MAP4K5: variants seen among roughly 807,000 people sequenced by gnomAD.
MAP4K5 encodes mitogen-activated protein kinase kinase kinase kinase 5.
In MAP4K5, 82 loss-of-function variants were observed where a neutral mutation model predicts 135.6. That is an observed-to-expected ratio of 0.60 (90% CI 0.51 to 0.73). The LOEUF (loss-of-function observed/expected upper bound fraction) is 0.73, where lower values mean the gene tolerates loss of function less well. Ranked by LOEUF, MAP4K5 falls within the 30% of genes least tolerant of loss-of-function variation. MAP4K5 has a pLI of 0.00. For missense variants in MAP4K5, 907 were observed against 1,010.9 expected, an observed-to-expected ratio of 0.90 and a Z score of 1.39; for synonymous variants, 347 against 335.0, an observed-to-expected ratio of 1.04 and a Z score of -0.39.
At chr14:50,447,087 C>G (rs552612755) in intron 16 of MAP4K5, among the ~76,000 whole-genome samples, 1 of 152,242 alleles carries the variant, frequency 6.6e-6, no homozygotes, top group South Asian at 2.1e-4. Context: ...GAAGGCCAGC[C>G]CCCTCACTTA....
chr14:50,552,070 C>G (rs2038709375), intron 1 of MAP4K5, among the ~76,000 whole-genome samples: 1 of 152,184 alleles, frequency 6.6e-6, no homozygotes. Flanking sequence ...GGAAGTCAAA[C>G]TGTTGCTGTT....
intron 3 of MAP4K5, among the ~76,000 whole-genome samples, chr14:50,491,755 G>C (rs2037489149): frequency 6.8e-6 from 1 of 147,392 alleles, no homozygotes; most frequent in South Asian, 2.2e-4. Context: ...GCACGATCTT[G>C]GCTCACTGCA....
At chr14:50,496,680 T>A (rs944939317) in intron 3 of MAP4K5, among the ~76,000 whole-genome samples, 1 of 151,908 alleles carries the variant, frequency 6.6e-6, no homozygotes, top group Non-Finnish European at 1.5e-5. Flanking sequence ...TGCTAATTTT[T>A]AAAAATTTTT....
chr14:50,486,130 G>A lies in MAP4K5; in HGVS notation c.231C>T (p.Ile77=), dbSNP rs1043506452. The A allele has an allele frequency of 4.3e-6, 6 of 1,404,152 alleles. No individual in the cohort carries two copies. Among genetic ancestry groups the A allele is most frequent in the African/African-American group, 2.9e-5 (2 of 68,998 alleles). The allele number at this position is 1,404,152 out of a possible 1,614,324, so 87.0% of individuals were successfully genotyped here. A position where few individuals can be genotyped will look rare whatever the true frequency, so the allele number is the denominator to read the frequency against. ...FMVKECKHCN[I]VAYFGSYLSR... ...TAAGATAACTCCCAAAGTAGGCAAC[G>A]ATGTTACAATGTTTACATTCTTTAA... The change falls in exon 4 of 33, where the codon ATC becomes ATT. Residue 77 remains isoleucine, a synonymous_variant. Coordinates refer to ENST00000682126, the MANE Select transcript of MAP4K5 (RefSeq NM_006575.6).
chr14:50,552,630 T>C (rs1326843916), intron 1 of MAP4K5, among the ~76,000 whole-genome samples: 1 of 152,206 alleles, frequency 6.6e-6, no homozygotes, highest in Non-Finnish European at 1.5e-5. Flanking sequence ...GAGGCTATAG[T>C]TACCAAAACA....
intron 3 of MAP4K5, among the ~76,000 whole-genome samples, chr14:50,494,546 A>AT (rs972757487): frequency 9.3e-5 from 14 of 150,830 alleles, no homozygotes; most frequent in African/African-American, 2.2e-4. Context: ...TTCTGGTAAC[A>AT]TTTTTTTTTG....
intron 3 of MAP4K5, among the ~76,000 whole-genome samples, chr14:50,503,727 G>C (rs1459954997): frequency 6.6e-6 from 1 of 152,022 alleles, no homozygotes; most frequent in Non-Finnish European, 1.5e-5. Flanking sequence ...GTTGTAACAA[G>C]CCCACTGCAC....
chr14:50,432,199 T>A (rs1566635772), intron 28 of MAP4K5, among the ~76,000 whole-genome samples: 1 of 152,212 alleles, frequency 6.6e-6, no homozygotes, highest in Non-Finnish European at 1.5e-5. Context: ...GAGTCTTGAA[T>A]AGGAGTTTAT....
intron 28 of MAP4K5, among the ~76,000 whole-genome samples, chr14:50,433,293 G>A (rs916828214): frequency 2.0e-5 from 3 of 152,210 alleles, no homozygotes; most frequent in African/African-American, 7.2e-5. Context: ...AGGTAGAAGG[G>A]TACATAATGT....
Position 50,419,389 on chromosome 14 carries a change from T to G in MAP4K5, c.*630A>C, listed in dbSNP as rs901085080. On this transcript the variant is annotated 3_prime_UTR_variant, in exon 33 of 33. Transcript: ENST00000682126. ...ATAAAATACTTTTGTTAAGCAAAAT[T>G]GCATGTGTGTGTTGAACCCCCAAAC... is the stretch of plus-strand genomic sequence containing the variant. 1 of 152,556 alleles carries G rather than the reference T, an allele frequency of 6.6e-6. No homozygotes were observed. The allele number at this position is 152,556 out of a possible 1,614,324, so 9.5% of individuals were successfully genotyped here. A position where few individuals can be genotyped will look rare whatever the true frequency, so the allele number is the denominator to read the frequency against.
intron 9 of MAP4K5, among the ~76,000 whole-genome samples, chr14:50,471,165 C>T (rs913307580): frequency 3.9e-5 from 6 of 152,118 alleles, no homozygotes; most frequent in African/African-American, 9.7e-5. Flanking sequence ...CTTCCTGATG[C>T]TCTCCCTCCC....
chr14:50,544,086 T>C (rs1402678066), intron 1 of MAP4K5, among the ~76,000 whole-genome samples: 1 of 152,222 alleles, frequency 6.6e-6, no homozygotes, highest in Non-Finnish European at 1.5e-5. Context: ...ATGTCTGGAA[T>C]CCCAGGTATT....
Position 50,476,315 on chromosome 14 carries a change from T to TA in MAP4K5, c.379-10_379-9insT, listed in dbSNP as rs1566666007. On this transcript the variant is annotated splice_polypyrimidine_tract_variant and intron_variant, in intron 6 of 32. Transcript: ENST00000682126. ...TGCAAATAGGCAAGACCCTAAAAGT[T>TA]TAAAAAAAAAAAAAAAGAATGTATC... 1.3e-5 allele frequency: 18 copies of TA among 1,364,578 alleles called. No homozygotes were observed. The highest frequency in any genetic ancestry group is 1.0e-4 in the Admixed American group (3 of 29,992). 84.5% of individuals were successfully genotyped at this position (1,364,578 alleles called of 1,614,324 possible). A position where few individuals can be genotyped will look rare whatever the true frequency, so the allele number is the denominator to read the frequency against.
intron 2 of MAP4K5, among the ~76,000 whole-genome samples, chr14:50,511,823 T>C (rs2037935390): frequency 6.6e-6 from 1 of 152,108 alleles, no homozygotes; most frequent in Non-Finnish European, 1.5e-5. Flanking sequence ...ATTCCAACTC[T>C]ATGACATTCC....
intron 2 of MAP4K5, among the ~76,000 whole-genome samples, chr14:50,527,640 CA>C (rs1200085563): frequency 2.6e-5 from 4 of 151,944 alleles, no homozygotes; most frequent in Admixed American, 6.6e-5. Context: ...CTAATTTGTT[CA>C]ACAAATATTT....
intron 14 of MAP4K5, among the ~76,000 whole-genome samples, chr14:50,451,029 G>A (rs1300091401): frequency 6.6e-6 from 1 of 152,152 alleles, no homozygotes; most frequent in Non-Finnish European, 1.5e-5. Context: ...AAGGATTTAA[G>A]AGAAAAGATA....
At chr14:50,517,092 T>C (rs751728125) in intron 2 of MAP4K5, among the ~76,000 whole-genome samples, 3 of 152,150 alleles carry the variant, frequency 2.0e-5, no homozygotes, top group Admixed American at 6.5e-5. Context: ...AGTTATAACA[T>C]TAGATTCATG....
intron 2 of MAP4K5, among the ~76,000 whole-genome samples, chr14:50,505,385 T>C (rs1252031637): frequency 1.3e-5 from 2 of 152,162 alleles, no homozygotes; most frequent in Non-Finnish European, 2.9e-5. Context: ...TGACAGGATA[T>C]ATAATTTACC....
intron 6 of MAP4K5, among the ~76,000 whole-genome samples, chr14:50,476,554 G>C (rs1188610364): frequency 1.3e-5 from 2 of 152,180 alleles, no homozygotes; most frequent in East Asian, 3.8e-4. Flanking sequence ...GCCATCTCCT[G>C]GGTTCAAGTG....
Sources: allele counts gnomAD v4.1 joint callset (sites outside exome capture counted in the v4.1 genomes callset), GRCh38; gene constraint gnomAD v4.1.1; transcripts MANE v1.5; gene names NCBI Gene and HGNC (gene_info 2026-07-23, HGNC 2026-07-21).